Variants in TNFAIP8 observed in about 807,000 individuals in gnomAD.
TNFAIP8 encodes the protein tumor necrosis factor alpha-induced protein 8.
A neutral mutation model predicts 13.3 loss-of-function variants in TNFAIP8; 7 were observed. The ratio of observed to expected loss-of-function variants is 0.52; its 90% CI spans 0.30 to 0.99. The LOEUF (loss-of-function observed/expected upper bound fraction) is 0.99. Among genes scored for constraint, TNFAIP8 ranks in the 50% least tolerant of loss-of-function variants. The probability of loss-of-function intolerance (pLI) is 0.07; values close to 1 mark genes in which losing one functional copy is unlikely to be tolerated. For synonymous variants in TNFAIP8, 94 were observed against 87.6 expected, an observed-to-expected ratio of 1.07 and a Z score of -0.41; for missense variants, 258 against 236.9, an observed-to-expected ratio of 1.09 and a Z score of -0.58.
intron 1 of TNFAIP8, among the ~76,000 whole-genome samples, chr5:119,276,153 T>C (rs1748438195): frequency 6.6e-6 from 1 of 151,958 alleles, no homozygotes. Flanking sequence ...AGTCTTGCTC[T>C]GTCTCCCAGG....
At chr5:119,282,768 G>T (rs757849164) in intron 1 of TNFAIP8, among the ~76,000 whole-genome samples, 1 of 152,146 alleles carries the variant, frequency 6.6e-6, no homozygotes, top group African/African-American at 2.4e-5. Context: ...GATTCCACCT[G>T]CCCAGACAGG....
chr5:119,292,117 G>C, intron 1 of TNFAIP8, among the ~76,000 whole-genome samples: 1 of 152,190 alleles, frequency 6.6e-6, no homozygotes, highest in East Asian at 1.9e-4. Context: ...AGAGGCATAG[G>C]TGAAGCAGAG....
chr5:119,397,590 A>C lies in TNFAIP8; in HGVS notation c.*4209A>C, dbSNP rs1753104743. 6.6e-6 allele frequency: 1 copy of C among 152,224 alleles called. No homozygotes were observed. The highest frequency in any genetic ancestry group is 6.5e-5 in the Admixed American group (1 of 15,288). 9.4% of individuals were successfully genotyped at this position (152,224 alleles called of 1,614,324 possible). A position where few individuals can be genotyped will look rare whatever the true frequency, so the allele number is the denominator to read the frequency against. On this transcript the variant is annotated 3_prime_UTR_variant, in exon 2 of 2. Coordinates refer to ENST00000504771, the MANE Select transcript of TNFAIP8 (RefSeq NM_014350.4). ...TACACAGTGCTGTTTATGACAGAAA[A>C]AATTTTATCCTACCTCTGAAATAAT...
intron 1 of TNFAIP8, among the ~76,000 whole-genome samples, chr5:119,373,666 G>A (rs1752172244): frequency 6.6e-6 from 1 of 152,220 alleles, no homozygotes; most frequent in South Asian, 2.1e-4. Context: ...TGAAGCTTTG[G>A]AAGACTGGAC....
At chr5:119,292,403 C>A (rs1749015659) in intron 1 of TNFAIP8, among the ~76,000 whole-genome samples, 1 of 151,760 alleles carries the variant, frequency 6.6e-6, no homozygotes. Context: ...TAGTTAATGT[C>A]TTTGGACTTT....
intron 1 of TNFAIP8, among the ~76,000 whole-genome samples, chr5:119,280,085 A>C (rs1165098485): frequency 6.6e-6 from 1 of 152,176 alleles, no homozygotes; most frequent in Non-Finnish European, 1.5e-5. Context: ...AAGCCACACA[A>C]AACAAATGTA....
At chr5:119,359,979 A>G (rs73239282) in intron 1 of TNFAIP8, among the ~76,000 whole-genome samples, 2,161 of 152,294 alleles carry the variant, frequency 0.014, 55 homozygotes, top group African/African-American at 0.049. Flanking sequence ...CCATTTAGAG[A>G]TCTATCATAC....
chr5:119,386,094 A>G (rs1468023411), intron 1 of TNFAIP8, among the ~76,000 whole-genome samples: 2 of 152,234 alleles, frequency 1.3e-5, no homozygotes, highest in African/African-American at 2.4e-5. Flanking sequence ...TGCCACAGAA[A>G]AAGAACACTA....
At chr5:119,352,046 C>T (rs1751188196), upstream of TNFAIP8, among the ~76,000 whole-genome samples, 2 of 152,048 alleles carry the variant, frequency 1.3e-5, no homozygotes, top group South Asian at 4.1e-4. Context: ...CCTCGGCCTC[C>T]CAAAGTGCTG....
At chr5:119,310,595 G>A (rs1268941768) in intron 1 of TNFAIP8, among the ~76,000 whole-genome samples, 2 of 152,186 alleles carry the variant, frequency 1.3e-5, no homozygotes, top group Non-Finnish European at 2.9e-5. Flanking sequence ...AGCACTTTGG[G>A]AGGCCGAGGC....
intron 1 of TNFAIP8, among the ~76,000 whole-genome samples, chr5:119,371,399 A>C (rs796822760): frequency 1.3e-4 from 20 of 152,320 alleles, no homozygotes; most frequent in African/African-American, 4.8e-4. Flanking sequence ...AACCAAAAAA[A>C]AACATTAAAG....
intron 1 of TNFAIP8, among the ~76,000 whole-genome samples, chr5:119,304,701 A>G (rs1204724895): frequency 1.3e-5 from 2 of 152,226 alleles, no homozygotes; most frequent in South Asian, 4.1e-4. Flanking sequence ...TTTCCAGAGG[A>G]TAATTTCCTG....
At chr5:119,372,873 A>G (rs1381374982) in intron 1 of TNFAIP8, among the ~76,000 whole-genome samples, 2 of 152,176 alleles carry the variant, frequency 1.3e-5, no homozygotes, top group Non-Finnish European at 2.9e-5. Flanking sequence ...AGGCAGGGGA[A>G]TCGCTTGAAC....
At position 119,365,759 on chromosome 5, in the gene TNFAIP8, A is replaced by G. The variant is rs146433245; in HGVS notation, c.31+9638A>G. 2.7e-3 allele frequency among the ~76,000 whole-genome samples: 409 copies of G among 152,346 alleles called. 2 individuals carry two copies. Among genetic ancestry groups the G allele is most frequent in the African/African-American group, 9.5e-3 (395 of 41,570 alleles). The stretch of plus-strand genomic sequence containing the variant: ...ATGAGAATTGCATCAGTTATGAAAT[A>G]TCTAGAATGAAAATGCATGCCTCCT... On this transcript the variant is annotated intron_variant, in intron 1 of 1. Transcript: ENST00000504771.
intron 1 of TNFAIP8, among the ~76,000 whole-genome samples, chr5:119,383,849 C>G (rs950102403): frequency 7.9e-5 from 12 of 152,206 alleles, no homozygotes; most frequent in African/African-American, 2.7e-4. Context: ...ATAAACTGCT[C>G]AAGTTCTTCC....
chr5:119,303,046 C>T (rs759122227), intron 1 of TNFAIP8, among the ~76,000 whole-genome samples: 1 of 152,118 alleles, frequency 6.6e-6, no homozygotes, highest in African/African-American at 2.4e-5. Flanking sequence ...GCTCCTCCTC[C>T]CTGTTAGAAA....
In TNFAIP8 at chr5:119,393,367, GAAGAGA is replaced by G. The variant is rs755648012; in HGVS notation, c.585_590del (p.Glu195_Asn197delinsAsp). 4.3e-6 allele frequency: 7 copies of G among 1,613,028 alleles called. No individual in the cohort carries two copies. The highest frequency in any genetic ancestry group is 5.9e-6 in the Non-Finnish European group (7 of 1,179,328). Reference sequence around the variant, plus strand: ...TGATGGTATCAACAAAATGTTGGATGAAGAGAACATATGAGCACATGAGTTAAGATT... The same window carrying G: ...TGATGGTATCAACAAAATGTTGGATGACATATGAGCACATGAGTTAAGATT... On this transcript the variant is annotated inframe_deletion, in exon 2 of 2. Coordinates refer to ENST00000504771, the MANE Select transcript of TNFAIP8 (RefSeq NM_014350.4).
At chr5:119,378,819 A>T (rs529196868) in intron 1 of TNFAIP8, among the ~76,000 whole-genome samples, 1 of 152,328 alleles carries the variant, frequency 6.6e-6, no homozygotes, top group South Asian at 2.1e-4. Flanking sequence ...CACGCCTGTA[A>T]TCCCAGTGCT....
At chr5:119,311,816 G>A (rs1349094508) in intron 1 of TNFAIP8, among the ~76,000 whole-genome samples, 1 of 151,998 alleles carries the variant, frequency 6.6e-6, no homozygotes, top group African/African-American at 2.4e-5. Flanking sequence ...GTGTTCACCC[G>A]TGAAGGAGGG....
Sources: gnomAD v4.1 joint callset for allele counts (sites outside exome capture counted in the v4.1 genomes callset) on GRCh38, gnomAD v4.1.1 for gene constraint, MANE v1.5 for transcripts, NCBI Gene and HGNC (gene_info 2026-07-23, HGNC 2026-07-21) for gene names.